The following ANKH variants were observed in gnomAD, a reference collection of about 807,000 sequenced individuals.
ANKH encodes the protein mineralization regulator ANKH.
In ANKH, 15 loss-of-function variants were observed where a neutral mutation model predicts 49.0. The ratio of observed to expected loss-of-function variants is 0.31; its 90% CI spans 0.20 to 0.47. The LOEUF (loss-of-function observed/expected upper bound fraction) is 0.47. Ranked by LOEUF, ANKH falls within the 20% of genes least tolerant of loss-of-function variation. The probability of loss-of-function intolerance (pLI) is 1.00; values close to 1 mark genes in which losing one functional copy is unlikely to be tolerated. For synonymous variants in ANKH, 273 were observed against 260.0 expected (o/e 1.05, Z -0.48); for missense variants, 429 against 652.0 (o/e 0.66, Z 3.72).
Position 14,752,003 on chromosome 5 carries a change from T to C in ANKH, c.517-764A>G, listed in dbSNP as rs78672784. On this transcript the variant is annotated intron_variant, in intron 4 of 11. Transcript: ENST00000284268. ...ACAGGAAAATAGACATTAATGTTTATAGGATAGAAGGCACTAAAAATGGGC... is the reference window on the plus strand; with the variant it reads ...ACAGGAAAATAGACATTAATGTTTACAGGATAGAAGGCACTAAAAATGGGC... Among the ~76,000 whole-genome samples the C allele has an allele frequency of 6.7e-3, 1,013 of 152,262 alleles. 42 individuals carry two copies. In the East Asian group the frequency reaches 0.11, roughly 16 times the overall value.
In ANKH at chr5:14,728,528, C is replaced by T. The variant is rs76425846; in HGVS notation, c.1012-11693G>A. On this transcript the variant is annotated intron_variant, in intron 8 of 11. Transcript: ENST00000284268. ...CAATGGGGTGGCAGTCTCCACCTCA[C>T]GGCGTGGGGGTGGGGTGGCCCAGCA... Among the ~76,000 whole-genome samples, 194 of 152,306 alleles carry T rather than the reference C, an allele frequency of 1.3e-3. 1 individual carries two copies. Among genetic ancestry groups the T allele is most frequent in the African/African-American group, 3.9e-3 (164 of 41,578 alleles).
rs755549331 is a variant in ANKH, at chr5:14,711,296, C to G, written c.1380G>C (p.Glu460Asp). ...YVYRKQKKKM[E>D]NESATEGEDS... Reference sequence around the variant, plus strand: ...CTTCCCCCTCCGTGGCCGACTCATTCTCCATCTTCTTTTTCTAGACCAAAG... The same window carrying G: ...CTTCCCCCTCCGTGGCCGACTCATTGTCCATCTTCTTTTTCTAGACCAAAG... The change falls in exon 12 of 12, where the codon GAG becomes GAC. Residue 460 changes from glutamate to aspartate, a missense_variant. This residue lies in a region of ANKH where 378 missense variants were observed against 615.3 expected (regional missense o/e 0.61). Coordinates refer to ENST00000284268, the MANE Select transcript of ANKH (RefSeq NM_054027.6). The G allele has an allele frequency of 1.9e-6, 3 of 1,614,110 alleles. No homozygotes were observed. The East Asian group carries it at 6.7e-5, about 36-fold the overall frequency.
chr5:14,731,374 CAGAGTA>C (rs1034398652), intron 8 of ANKH, among the ~76,000 whole-genome samples: 1 of 152,078 alleles, frequency 6.6e-6, no homozygotes, highest in African/African-American at 2.4e-5. Context: ...CCCAAGTGCT[CAGAGTA>C]AAAGTGCTCA....
At chr5:14,831,234 A>C (rs183862372) in intron 1 of ANKH, among the ~76,000 whole-genome samples, 161 of 152,244 alleles carry the variant, frequency 1.1e-3, no homozygotes, top group Middle Eastern at 0.01. Context: ...CCGGAATCGG[A>C]CAGCCAGCCA....
At chr5:14,784,606 T>A (rs1043652627) in intron 1 of ANKH, among the ~76,000 whole-genome samples, 2 of 152,136 alleles carry the variant, frequency 1.3e-5, no homozygotes, top group Non-Finnish European at 1.5e-5. Flanking sequence ...AGAACGTAAG[T>A]CATGTGGTTG....
At chr5:14,746,546 A>G (rs1238094628) in intron 6 of ANKH, among the ~76,000 whole-genome samples, 2 of 152,190 alleles carry the variant, frequency 1.3e-5, no homozygotes, top group Non-Finnish European at 2.9e-5. Flanking sequence ...GGAGCAGTTT[A>G]GGGAGGATCA....
In ANKH at chr5:14,707,675, T is replaced by G. The variant is rs550751614; in HGVS notation, c.*3522A>C. 1 of 152,284 alleles carries G rather than the reference T, an allele frequency of 6.6e-6. No individual in the cohort carries two copies. Among genetic ancestry groups the G allele is most frequent in the African/African-American group, 2.4e-5 (1 of 41,560 alleles). The allele number at this position is 152,284 out of a possible 1,614,324, so 9.4% of individuals were successfully genotyped here. On this transcript the variant is annotated 3_prime_UTR_variant, in exon 12 of 12. Transcript: ENST00000284268. The stretch of plus-strand genomic sequence containing the variant: ...ACCCCCTGCACCTCCCAAGGTTATT[T>G]ATTGGGAAGACTCAGAGAGTGAAGT...
At chr5:14,742,144 T>G (rs960822697) in intron 7 of ANKH, among the ~76,000 whole-genome samples, 9 of 152,196 alleles carry the variant, frequency 5.9e-5, no homozygotes, top group Admixed American at 5.2e-4. Flanking sequence ...CTCAATGCCC[T>G]GCAGCTCTTC....
At chr5:14,819,918 C>T (rs939209271) in intron 1 of ANKH, among the ~76,000 whole-genome samples, 1 of 151,464 alleles carries the variant, frequency 6.6e-6, no homozygotes, top group African/African-American at 2.4e-5. Context: ...CACACACACA[C>T]ACACACACAC....
At chr5:14,805,737 T>C (rs1410284127) in intron 1 of ANKH, among the ~76,000 whole-genome samples, 1 of 152,040 alleles carries the variant, frequency 6.6e-6, no homozygotes. Flanking sequence ...GTTATTAAAG[T>C]TGGATGCCTA....
chr5:14,747,995 A>C (rs1258496990), intron 6 of ANKH, among the ~76,000 whole-genome samples: 1 of 152,230 alleles, frequency 6.6e-6, no homozygotes, highest in Non-Finnish European at 1.5e-5. Context: ...ACATGAGCAG[A>C]TGACCAATAA....
intron 1 of ANKH, among the ~76,000 whole-genome samples, chr5:14,807,494 A>G (rs1351913991): frequency 6.6e-6 from 1 of 152,216 alleles, no homozygotes; most frequent in East Asian, 1.9e-4. Context: ...CTTCTTGAGC[A>G]TGTCTTCCTA....
Position 14,871,486 on chromosome 5 carries a change from C to T in ANKH, c.-39G>A. Reference sequence around the variant, plus strand: ...GGCTGACCCCACACACATCTGCTGCCGCGAGGGGACTCTGCGGGGAGGCGA... The same window carrying T: ...GGCTGACCCCACACACATCTGCTGCTGCGAGGGGACTCTGCGGGGAGGCGA... On this transcript the variant is annotated 5_prime_UTR_variant, in exon 1 of 12. Coordinates refer to ENST00000284268, the MANE Select transcript of ANKH (RefSeq NM_054027.6). 1.9e-6 allele frequency: 3 copies of T among 1,550,706 alleles called. No individual in the cohort carries two copies. The highest frequency in any genetic ancestry group is 2.7e-6 in the Non-Finnish European group (3 of 1,129,770).
At chr5:14,804,838 A>G (rs1021400667) in intron 1 of ANKH, among the ~76,000 whole-genome samples, 1 of 152,202 alleles carries the variant, frequency 6.6e-6, no homozygotes, top group Non-Finnish European at 1.5e-5. Context: ...TCTCTGGCAC[A>G]TCTGGCTTTG....
intron 8 of ANKH, among the ~76,000 whole-genome samples, chr5:14,726,780 G>A (rs1055257007): frequency 2.6e-5 from 4 of 152,230 alleles, no homozygotes; most frequent in African/African-American, 7.2e-5. Flanking sequence ...GTGAATTGCC[G>A]AAAGCAGGCA....
At position 14,751,067 on chromosome 5, in the gene ANKH, A is replaced by T; in HGVS notation, c.687+2T>A. On this transcript the variant is annotated splice_donor_variant, in intron 5 of 11. Coordinates refer to ENST00000284268, the MANE Select transcript of ANKH (RefSeq NM_054027.6). LOFTEE classifies it high-confidence loss of function. ...AGACTGCTGTTGGGTTGGTAGACGT[A>T]CCCCCAGCTCCGGGCCACTTCTGTC... The T allele has an allele frequency of 6.2e-7, 1 of 1,614,162 alleles. No individual in the cohort carries two copies. Among genetic ancestry groups the T allele is most frequent in the Non-Finnish European group, 8.5e-7 (1 of 1,180,024 alleles).
chr5:14,810,733 C>T lies in ANKH; in HGVS notation c.97-41542G>A, dbSNP rs545185193. On this transcript the variant is annotated intron_variant, in intron 1 of 11. Transcript: ENST00000284268. ...TTCTGTCCCCTGAGAAGCCACTACT[C>T]ATCTTGCTTCCCTCAGGATGAACTT... Among the ~76,000 whole-genome samples, 4 of 152,282 alleles carry T rather than the reference C, an allele frequency of 2.6e-5. No homozygotes were observed. In the South Asian group the frequency reaches 8.3e-4, roughly 32 times the overall value.
chr5:14,837,212 A>G (rs979126886), intron 1 of ANKH, among the ~76,000 whole-genome samples: 1 of 152,236 alleles, frequency 6.6e-6, no homozygotes, highest in Non-Finnish European at 1.5e-5. Context: ...GGCATGGGCA[A>G]GGACTTCATG....
chr5:14,723,356 T>A (rs202221320), intron 8 of ANKH, among the ~76,000 whole-genome samples: 2,746 of 148,846 alleles, frequency 0.018, 89 homozygotes, highest in African/African-American at 0.062. Flanking sequence ...ATTCTTTTTT[T>A]AAAAAAAAAA....
Sources: gnomAD v4.1 joint callset for allele counts (sites outside exome capture counted in the v4.1 genomes callset) on GRCh38, gnomAD v4.1.1 for gene constraint, gnomAD v4.1.1 regional missense constraint, MANE v1.5 for transcripts, NCBI Gene and HGNC (gene_info 2026-07-23, HGNC 2026-07-21) for gene names.